Variants in DPP10 observed in about 807,000 individuals in gnomAD.
The protein encoded by DPP10 is inactive dipeptidyl peptidase 10.
DPP10 carries 33 observed loss-of-function variants against 120.9 expected under a neutral mutation model. The observed-to-expected ratio is 0.27, with a 90% CI of 0.21 to 0.37. The LOEUF (loss-of-function observed/expected upper bound fraction) is 0.37, where lower values mean the gene tolerates loss of function less well. Ranked by LOEUF, DPP10 falls within the 10% of genes least tolerant of loss-of-function variation. The pLI is 1.00. For synonymous variants in DPP10, 337 were observed against 326.1 expected (o/e 1.03, Z -0.36); for missense variants, 816 against 942.8 (o/e 0.87, Z 1.76).
chr2:115,393,812 A>G (rs986851670), intron 3 of DPP10, among the ~76,000 whole-genome samples: 1 of 152,222 alleles, frequency 6.6e-6, no homozygotes, highest in African/African-American at 2.4e-5. Context: ...AAGCTGGTAT[A>G]CCAAGCATGA....
At chr2:115,263,712 T>C (rs955315123) in intron 1 of DPP10, among the ~76,000 whole-genome samples, 6 of 152,234 alleles carry the variant, frequency 3.9e-5, no homozygotes, top group African/African-American at 1.4e-4. Flanking sequence ...TTTCAAAATA[T>C]ACTATTTTAC....
chr2:115,533,402 C>T (rs1378605842), intron 5 of DPP10, among the ~76,000 whole-genome samples: 1 of 152,050 alleles, frequency 6.6e-6, no homozygotes, highest in Non-Finnish European at 1.5e-5. Context: ...TTATTTTCTA[C>T]AGTTAGATGC....
intron 1 of DPP10, among the ~76,000 whole-genome samples, chr2:115,240,447 GTTGT>G (rs1326184305): frequency 2.6e-5 from 4 of 152,092 alleles, no homozygotes; most frequent in East Asian, 1.9e-4. Flanking sequence ...TTTTGATGGG[GTTGT>G]TTGTTTTTTT....
chr2:115,623,221 C>G (rs2085106513), intron 5 of DPP10, among the ~76,000 whole-genome samples: 1 of 152,008 alleles, frequency 6.6e-6, no homozygotes, highest in African/African-American at 2.4e-5. Context: ...CAACATGGCT[C>G]ACAAATCCTA....
At chr2:114,777,272 C>G (rs1284103892) in intron 1 of DPP10, among the ~76,000 whole-genome samples, 1 of 152,248 alleles carries the variant, frequency 6.6e-6, no homozygotes, top group East Asian at 1.9e-4. Flanking sequence ...CTAGGAAACA[C>G]TGTCTTGTGC....
rs72950174 is a variant in DPP10 at position 115,686,486 on chromosome 2, C to T, written c.442-3201C>T. ...TGTATTTCTCCTAGGAGCAATGATT[C>T]AGTAGTTGCTAATTCAGTGTTTATG... On this transcript the variant is annotated intron_variant, in intron 5 of 25. Transcript: ENST00000410059. Among the ~76,000 whole-genome samples the T allele has an allele frequency of 3.0e-3, 460 of 152,152 alleles. 2 individuals carry two copies. The highest frequency in any genetic ancestry group is 0.011 in the African/African-American group (448 of 41,540).
chr2:114,939,794 G>A (rs1262210014), intron 1 of DPP10, among the ~76,000 whole-genome samples: 1 of 152,096 alleles, frequency 6.6e-6, no homozygotes, highest in Non-Finnish European at 1.5e-5. Context: ...TGCTTAGAGG[G>A]TGGCTGTGGA....
At chr2:115,344,522 T>C (rs2063615980) in intron 3 of DPP10, among the ~76,000 whole-genome samples, 1 of 152,204 alleles carries the variant, frequency 6.6e-6, no homozygotes, top group Non-Finnish European at 1.5e-5. Context: ...AGTGAGACTC[T>C]ATGCAAAATT....
chr2:114,460,445 C>T (rs986620726), intron 1 of DPP10, among the ~76,000 whole-genome samples: 75 of 151,912 alleles, frequency 4.9e-4, no homozygotes, highest in African/African-American at 1.7e-3. Context: ...GCTCCTTTGT[C>T]TGAACGGTGA....
intron 1 of DPP10, among the ~76,000 whole-genome samples, chr2:114,506,648 C>T (rs112898311): frequency 2.0e-5 from 3 of 152,072 alleles, no homozygotes; most frequent in Non-Finnish European, 2.9e-5. Context: ...TTGCTCCTGC[C>T]GGCACCCAAA....
intron 1 of DPP10, among the ~76,000 whole-genome samples, chr2:114,945,033 C>A (rs1358767617): frequency 6.6e-6 from 1 of 152,072 alleles, no homozygotes; most frequent in Non-Finnish European, 1.5e-5. Flanking sequence ...CTTGAGTGTC[C>A]ATATGCAAAA....
intron 1 of DPP10, among the ~76,000 whole-genome samples, chr2:114,992,313 T>A (rs554206571): frequency 2.0e-5 from 3 of 152,136 alleles, no homozygotes; most frequent in Non-Finnish European, 4.4e-5. Context: ...ATGTTAGACA[T>A]CCCTCTAGTT....
chr2:114,554,023 A>G (rs1688090191), intron 1 of DPP10, among the ~76,000 whole-genome samples: 1 of 152,222 alleles, frequency 6.6e-6, no homozygotes, highest in South Asian at 2.1e-4. Flanking sequence ...AAACAGGAAA[A>G]TGTGAGACCA....
intron 1 of DPP10, among the ~76,000 whole-genome samples, chr2:114,455,687 A>T (rs1678536090): frequency 6.6e-6 from 1 of 151,226 alleles, no homozygotes; most frequent in Non-Finnish European, 1.5e-5. Flanking sequence ...TCTTCTAGGC[A>T]CCTACTCTGT....
chr2:114,833,249 T>C (rs566890651), intron 1 of DPP10: 1 of 150,984 alleles, frequency 6.6e-6, no homozygotes, highest in African/African-American at 2.4e-5. Flanking sequence ...GATGTAAGAG[T>C]TGTGATTATA....
chr2:114,870,038 G>A (rs1690560491), intron 1 of DPP10, among the ~76,000 whole-genome samples: 1 of 152,150 alleles, frequency 6.6e-6, no homozygotes, highest in South Asian at 2.1e-4. Context: ...ACATTCTCTA[G>A]TAATCTAAAT....
intron 1 of DPP10, among the ~76,000 whole-genome samples, chr2:115,241,465 G>A (rs2058275599): frequency 1.3e-5 from 2 of 152,048 alleles, no homozygotes; most frequent in African/African-American, 4.8e-5. Context: ...TTCTAATCTG[G>A]TACAGGTTAA....
chr2:115,489,519 A>G (rs773923515), intron 3 of DPP10, among the ~76,000 whole-genome samples: 1 of 151,996 alleles, frequency 6.6e-6, no homozygotes, highest in Non-Finnish European at 1.5e-5. Flanking sequence ...ATAACAAAAC[A>G]GTCCCTTTGT....
intron 1 of DPP10, among the ~76,000 whole-genome samples, chr2:115,119,709 C>T (rs1303203165): frequency 1.3e-5 from 2 of 152,142 alleles, no homozygotes; most frequent in Admixed American, 6.5e-5. Flanking sequence ...CTCTGATGGG[C>T]ATTCTAGGGT....
Sources: allele counts gnomAD v4.1 joint callset (sites outside exome capture counted in the v4.1 genomes callset), GRCh38; gene constraint gnomAD v4.1.1; transcripts MANE v1.5; gene names NCBI Gene and HGNC (gene_info 2026-07-23, HGNC 2026-07-21).